HS3ST5: variants seen among roughly 807,000 people sequenced by gnomAD.
HS3ST5 encodes the protein heparan sulfate glucosamine 3-O-sulfotransferase 5.
HS3ST5 carries 10 observed loss-of-function variants against 25.4 expected under a neutral mutation model. That is an observed-to-expected ratio of 0.39 (90% CI 0.24 to 0.67). HS3ST5 has a LOEUF of 0.67. Ranked by LOEUF, HS3ST5 falls within the 30% of genes least tolerant of loss-of-function variation. The pLI is 0.44. For missense variants in HS3ST5, 324 were observed against 420.7 expected (o/e 0.77, Z 2.01); for synonymous variants, 170 against 162.4 (o/e 1.05, Z -0.36).
intron 3 of HS3ST5, among the ~76,000 whole-genome samples, chr6:114,081,786 A>G (rs1271988385): frequency 6.6e-6 from 1 of 152,156 alleles, no homozygotes; most frequent in Non-Finnish European, 1.5e-5. Flanking sequence ...TGTTTTAGAT[A>G]ATATTTGTTT....
rs535841588 is a variant in HS3ST5, at chr6:114,134,715, ATTCC to A, written c.-33+33632_-33+33635del. ...GCAACAAGGGCTGCTGGAAAGCATC[ATTCC>A]TATCTAGCTCCTTCTATGCTGGGAC... On this transcript the variant is annotated intron_variant, in intron 3 of 4. Coordinates refer to ENST00000312719, the MANE Select transcript of HS3ST5 (RefSeq NM_153612.4). Among the ~76,000 whole-genome samples, 49 of 152,344 alleles carry A rather than the reference ATTCC, an allele frequency of 3.2e-4. No homozygotes were observed. In the East Asian group the frequency reaches 9.4e-3, roughly 29 times the overall value.
rs115429471 is a variant in HS3ST5, at chr6:114,212,079, A to G, written c.-145+16506T>C. On this transcript the variant is annotated intron_variant, in intron 2 of 4. Transcript: ENST00000312719. Reference sequence around the variant, plus strand: ...AACGGCCTCTCCTGGATCCCCGATTAAAGGGGTTTGTGTTAATGGAGTCCC... The same window carrying G: ...AACGGCCTCTCCTGGATCCCCGATTGAAGGGGTTTGTGTTAATGGAGTCCC... Among the ~76,000 whole-genome samples, 872 of 152,308 alleles carry G rather than the reference A, an allele frequency of 5.7e-3. 7 individuals are homozygous for G. Among genetic ancestry groups the G allele is most frequent in the African/African-American group, 0.02 (838 of 41,578 alleles).
Position 114,315,415 on chromosome 6 carries a change from C to T in HS3ST5, c.-339+26780G>A, listed in dbSNP as rs115630419. On this transcript the variant is annotated intron_variant, in intron 1 of 4. Transcript: ENST00000312719. ...GGGGTGGTTTTAGTCTTTCAACAAA[C>T]TACTAGAAACTTTGTTAAATGTATT... Among the ~76,000 whole-genome samples the T allele has an allele frequency of 8.7e-3, 1,327 of 152,112 alleles. 24 individuals carry two copies. Among genetic ancestry groups the T allele is most frequent in the African/African-American group, 0.031 (1,268 of 41,526 alleles).
At chr6:114,204,232 A>G (rs1190295308) in intron 2 of HS3ST5, among the ~76,000 whole-genome samples, 2 of 152,186 alleles carry the variant, frequency 1.3e-5, no homozygotes, top group East Asian at 3.9e-4. Context: ...TGAGGCAGAT[A>G]AGGGCTTTGG....
intron 3 of HS3ST5, among the ~76,000 whole-genome samples, chr6:114,111,950 T>A (rs912659343): frequency 6.6e-6 from 1 of 152,130 alleles, no homozygotes; most frequent in Non-Finnish European, 1.5e-5. Flanking sequence ...GACCCATCAC[T>A]CCTTTACATG....
intron 3 of HS3ST5, among the ~76,000 whole-genome samples, chr6:114,109,368 G>T (rs1014637150): frequency 2.0e-5 from 3 of 152,044 alleles, no homozygotes; most frequent in Non-Finnish European, 4.4e-5. Flanking sequence ...ATCCCCTAGG[G>T]GCTCTACCTT....
At chr6:114,117,683 G>T (rs1050586424) in intron 3 of HS3ST5, among the ~76,000 whole-genome samples, 30 of 152,072 alleles carry the variant, frequency 2.0e-4, no homozygotes, top group African/African-American at 7.2e-4. Context: ...TATCTCCTCT[G>T]CCAAGTAAAA....
At chr6:114,256,812 T>C (rs1447604116) in intron 1 of HS3ST5, among the ~76,000 whole-genome samples, 1 of 152,232 alleles carries the variant, frequency 6.6e-6, no homozygotes, top group African/African-American at 2.4e-5. Context: ...TTTACAGTAG[T>C]GTCCCACTCT....
rs544926335 is a variant in HS3ST5 at position 114,058,054 on chromosome 6, G to A, written c.244C>T (p.Arg82Cys). The A allele has an allele frequency of 1.9e-6, 3 of 1,614,160 alleles. No homozygotes were observed. The South Asian group carries it at 3.3e-5, about 18-fold the overall frequency. The change falls in exon 5 of 5, where the codon CGC (arginine) becomes TGC (cysteine). Residue 82 changes from arginine to cysteine, a missense_variant. This residue lies in a region of HS3ST5 where 121 missense variants were observed against 117.3 expected (regional missense o/e 1.03). Transcript: ENST00000312719. ...AGCTGCTGGACCAGGTCATGGAGGC[G>A]AACCTGCTCCTTGGAAGCGTTGCCC... The part of the protein sequence containing the change: ...RKGNASKEQV[R>C]LHDLVQQLPK...
intron 3 of HS3ST5, among the ~76,000 whole-genome samples, chr6:114,095,739 TCTATTCCCA>T (rs1775391087): frequency 6.6e-6 from 1 of 152,108 alleles, no homozygotes; most frequent in East Asian, 1.9e-4. Flanking sequence ...TATCCTCACG[TCTATTCCCA>T]GACTGATTTC....
chr6:114,292,892 GT>G (rs1252942523), intron 1 of HS3ST5, among the ~76,000 whole-genome samples: 2 of 150,582 alleles, frequency 1.3e-5, no homozygotes, highest in African/African-American at 4.9e-5. Flanking sequence ...GCTTTATATT[GT>G]TTTGAAATTT....
intron 2 of HS3ST5, among the ~76,000 whole-genome samples, chr6:114,221,959 G>A (rs78910769): frequency 1.3e-5 from 2 of 150,770 alleles, no homozygotes; most frequent in Admixed American, 6.6e-5. Flanking sequence ...GTATTGCTTG[G>A]GGAGAGCTTG....
chr6:114,167,445 A>G (rs576394184), intron 3 of HS3ST5: 12 of 152,242 alleles, frequency 7.9e-5, no homozygotes, highest in Non-Finnish European at 1.6e-4. Context: ...TAATCAACTC[A>G]TTTAATCACA....
intron 1 of HS3ST5, among the ~76,000 whole-genome samples, chr6:114,255,582 C>G (rs1039309551): frequency 3.9e-5 from 6 of 152,174 alleles, no homozygotes; most frequent in Non-Finnish European, 8.8e-5. Flanking sequence ...AGGCCCACCC[C>G]CTACCTGCAG....
chr6:114,243,202 G>A (rs1379078679), intron 1 of HS3ST5, among the ~76,000 whole-genome samples: 1 of 152,164 alleles, frequency 6.6e-6, no homozygotes, highest in Non-Finnish European at 1.5e-5. Context: ...CACTCCAAGT[G>A]GCCCACAGAC....
chr6:114,284,583 A>G (rs1393643012), intron 1 of HS3ST5, among the ~76,000 whole-genome samples: 1 of 151,962 alleles, frequency 6.6e-6, no homozygotes, highest in Non-Finnish European at 1.5e-5. Flanking sequence ...TAAAATTTGG[A>G]TCTATGACCA....
chr6:114,327,220 T>C (rs1257889697), intron 1 of HS3ST5, among the ~76,000 whole-genome samples: 2 of 152,200 alleles, frequency 1.3e-5, no homozygotes, highest in Non-Finnish European at 2.9e-5. Flanking sequence ...CATAATGTAC[T>C]TGTAGATAGT....
At chr6:114,198,260 T>C (rs914440389) in intron 2 of HS3ST5, among the ~76,000 whole-genome samples, 2 of 151,982 alleles carry the variant, frequency 1.3e-5, no homozygotes, top group Admixed American at 6.6e-5. Context: ...CTTTAAAAAA[T>C]GAACGAAGCC....
chr6:114,079,032 T>C (rs1485861551), intron 3 of HS3ST5, among the ~76,000 whole-genome samples: 1 of 152,224 alleles, frequency 6.6e-6, no homozygotes, highest in African/African-American at 2.4e-5. Flanking sequence ...AAATATTGTA[T>C]TGCTAAAAAA....
Sources: gnomAD v4.1 joint callset for allele counts (sites outside exome capture counted in the v4.1 genomes callset) on GRCh38, gnomAD v4.1.1 for gene constraint, gnomAD v4.1.1 regional missense constraint, MANE v1.5 for transcripts, NCBI Gene and HGNC (gene_info 2026-07-23, HGNC 2026-07-21) for gene names.